Variants in ITGB5 observed in about 807,000 individuals in gnomAD.
ITGB5 encodes integrin beta-5.
In ITGB5, 38 loss-of-function variants were observed where a neutral mutation model predicts 84.8. The observed-to-expected ratio is 0.45, with a 90% confidence interval of 0.35 to 0.59. The LOEUF (loss-of-function observed/expected upper bound fraction) is 0.59. Ranked by LOEUF, ITGB5 falls within the 20% of genes least tolerant of loss-of-function variation. The pLI is 0.01. For missense variants in ITGB5, 905 were observed against 1,034.5 expected, an observed-to-expected ratio of 0.87 and a Z score of 1.72; for synonymous variants, 393 against 414.4, an observed-to-expected ratio of 0.95 and a Z score of 0.63.
chr3:124,846,337 T>A (rs577417660), intron 4 of ITGB5, among the ~76,000 whole-genome samples: 91 of 149,578 alleles, frequency 6.1e-4, no homozygotes, highest in African/African-American at 2.1e-3. Context: ...GAGAATGGCA[T>A]CACAAGATGG....
At chr3:124,780,714 C>CG (rs976430080) in intron 10 of ITGB5, 2 of 151,478 alleles carry the variant, frequency 1.3e-5, no homozygotes, top group African/African-American at 4.9e-5. Context: ...TAGTGTCCCC[C>CG]CCCCCGTGTT....
chr3:124,821,593 T>C (rs1328271567), intron 5 of ITGB5, 119 bp from the exon 6 acceptor site: 2 of 1,105,806 alleles, frequency 1.8e-6, no homozygotes, highest in African/African-American at 1.5e-5. Flanking sequence ...CCCCTTGCCA[T>C]GTGTACCTGG....
At chr3:124,785,360 G>C (rs2064065479) in intron 10 of ITGB5, among the ~76,000 whole-genome samples, 1 of 152,038 alleles carries the variant, frequency 6.6e-6, no homozygotes, top group African/African-American at 2.4e-5. Flanking sequence ...AAGGTGGGCA[G>C]ATCACGAGGT....
chr3:124,866,687 C>A (rs913441296), intron 2 of ITGB5, among the ~76,000 whole-genome samples: 8 of 152,170 alleles, frequency 5.3e-5, no homozygotes, highest in East Asian at 1.9e-4. Context: ...CTAAGGCCGA[C>A]CTTTCTGGCT....
intron 2 of ITGB5, among the ~76,000 whole-genome samples, chr3:124,866,241 C>T (rs1559977530): frequency 6.6e-6 from 1 of 152,070 alleles, no homozygotes; most frequent in Non-Finnish European, 1.5e-5. Context: ...CTTCAGCCTC[C>T]CAAAGTGCTG....
chr3:124,876,464 G>A (rs1230058052), intron 1 of ITGB5, among the ~76,000 whole-genome samples: 1 of 152,022 alleles, frequency 6.6e-6, no homozygotes, highest in Admixed American at 6.6e-5. Context: ...CACAGAAATC[G>A]CAAACGGCAA....
intron 5 of ITGB5, among the ~76,000 whole-genome samples, chr3:124,835,827 GC>G (rs1178583839): frequency 2.0e-5 from 3 of 152,228 alleles, no homozygotes; most frequent in Non-Finnish European, 4.4e-5. Flanking sequence ...CTGGGAGGGA[GC>G]AAGAGGAAAC....
At chr3:124,830,206 G>A (rs564399369) in intron 5 of ITGB5, among the ~76,000 whole-genome samples, 55 of 152,216 alleles carry the variant, frequency 3.6e-4, no homozygotes, top group East Asian at 2.5e-3. Context: ...CTACAGGTCT[G>A]ACAAAAAAGG....
At chr3:124,784,525 A>G (rs1175238909) in intron 10 of ITGB5, among the ~76,000 whole-genome samples, 2 of 152,182 alleles carry the variant, frequency 1.3e-5, no homozygotes, top group African/African-American at 4.8e-5. Flanking sequence ...AACAAAATCA[A>G]TGCCGATGCC....
intron 5 of ITGB5, among the ~76,000 whole-genome samples, chr3:124,826,604 A>C (rs1424553489): frequency 1.3e-5 from 2 of 152,210 alleles, no homozygotes; most frequent in Non-Finnish European, 2.9e-5. Context: ...ATCAACTAGC[A>C]AGGGCCAGAG....
At chr3:124,802,162 T>C (rs2064325299) in intron 9 of ITGB5, among the ~76,000 whole-genome samples, 1 of 152,242 alleles carries the variant, frequency 6.6e-6, no homozygotes, top group Non-Finnish European at 1.5e-5. Flanking sequence ...TCCACCAGAC[T>C]CTGAGCCCCT....
chr3:124,848,164 A>G (rs1400609474), intron 4 of ITGB5, 145 bp downstream of exon 4: 3 of 857,006 alleles, frequency 3.5e-6, no homozygotes, highest in Non-Finnish European at 5.5e-6. Context: ...GAGAGAATGT[A>G]TGCTTATCAT....
intron 1 of ITGB5, among the ~76,000 whole-genome samples, chr3:124,882,614 C>A (rs1032274540): frequency 6.6e-6 from 1 of 152,132 alleles, no homozygotes; most frequent in East Asian, 1.9e-4. Flanking sequence ...GTGGAGAGTT[C>A]GTGGAGCCTG....
Position 124,848,309 on chromosome 3 carries a change from C to A in ITGB5, c.611G>T (p.Gly204Val). Residue 204 changes from glycine (G) to valine (V), a missense_variant and splice_region_variant, in exon 4 of 15, where the codon GGT becomes GTT. This residue lies in a region of ITGB5 where 656 missense variants were observed against 734.7 expected (regional missense o/e 0.89). Transcript: ENST00000296181. ...AACAGAAGGGCAACTGGTCACTTAC[C>A]CAATGCACGGATTGGTCTGGTACCT... ...APRYQTNPCI[G>V]YKLFPNCVPS... 1.2e-6 allele frequency: 2 copies of A among 1,613,942 alleles called. No individual in the cohort carries two copies. The highest frequency in any genetic ancestry group is 1.7e-6 in the Non-Finnish European group (2 of 1,179,868).
At position 124,762,077 on chromosome 3, in the gene ITGB5, GTC is replaced by G. The variant is rs1421049463; in HGVS notation, c.*1544_*1545del. 2 of 152,100 alleles carry G rather than the reference GTC, an allele frequency of 1.3e-5. No homozygotes were observed. The highest frequency in any genetic ancestry group is 2.9e-5 in the Non-Finnish European group (2 of 68,030). The allele number at this position is 152,100 out of a possible 1,614,324, so 9.4% of individuals were successfully genotyped here. On this transcript the variant is annotated 3_prime_UTR_variant, in exon 15 of 15. Coordinates refer to ENST00000296181, the MANE Select transcript of ITGB5 (RefSeq NM_002213.5). Reference sequence around the variant, plus strand: ...TTTAACAGTGTCACCAAGTTACCAGGTCTCTGTTTCATCATATTTACACAAGA... The same window carrying G: ...TTTAACAGTGTCACCAAGTTACCAGGTCTGTTTCATCATATTTACACAAGA...
intron 3 of ITGB5, among the ~76,000 whole-genome samples, chr3:124,858,743 A>G (rs2065254511): frequency 6.6e-6 from 1 of 152,214 alleles, no homozygotes. Context: ...AATGACTGTA[A>G]TTTCTGCCAT....
chr3:124,799,781 G>C (rs115620902), intron 9 of ITGB5, among the ~76,000 whole-genome samples: 1 of 152,114 alleles, frequency 6.6e-6, no homozygotes, highest in Admixed American at 6.5e-5. Context: ...CAGGGCCCGC[G>C]CTCTCCTTAG....
In ITGB5 at chr3:124,855,875, C is replaced by T. The variant is rs910303363; in HGVS notation, c.361+3367G>A. On this transcript the variant is annotated intron_variant, in intron 3 of 14. Transcript: ENST00000296181. Reference sequence around the variant, plus strand: ...TATACCAAATAAGAATGATTTTCTTCCTTAACTGAGCATATATTGAGTTTT... The same window carrying T: ...TATACCAAATAAGAATGATTTTCTTTCTTAACTGAGCATATATTGAGTTTT... 1.2e-4 allele frequency among the ~76,000 whole-genome samples: 18 copies of T among 152,228 alleles called. No individual in the cohort carries two copies. The East Asian group carries it at 3.1e-3, about 26-fold the overall frequency.
At chr3:124,887,492 T>C (rs150105132), upstream of ITGB5, 283 of 185,292 alleles carry the variant, frequency 1.5e-3, 1 homozygote, top group African/African-American at 6.2e-3. Flanking sequence ...CAGCTTACGG[T>C]GAGGCGGGGC....
Sources: allele counts gnomAD v4.1 joint callset (sites outside exome capture counted in the v4.1 genomes callset), GRCh38; gene constraint gnomAD v4.1.1; regional missense constraint gnomAD v4.1.1; transcripts MANE v1.5; gene names NCBI Gene and HGNC (gene_info 2026-07-23, HGNC 2026-07-21).